The following GORASP2 variants were observed in gnomAD, a reference collection of about 807,000 sequenced individuals.
The protein encoded by GORASP2 is golgi reassembly stacking protein 2, also known as Golgi reassembly-stacking protein 2.
GORASP2 carries 22 observed loss-of-function variants against 45.7 expected under a neutral mutation model. That is an observed-to-expected ratio of 0.48 (90% CI 0.34 to 0.69). The LOEUF is 0.69. Ranked by LOEUF, GORASP2 falls within the 30% of genes least tolerant of loss-of-function variation. GORASP2 has a pLI of 0.01. For synonymous variants in GORASP2, 221 were observed against 215.6 expected (o/e 1.02, Z -0.22); for missense variants, 491 against 562.7 (o/e 0.87, Z 1.29).
At position 170,953,659 on chromosome 2, in the gene GORASP2, G is replaced by T. The variant is rs1177740791; in HGVS notation, c.567-991G>T. 2.0e-5 allele frequency among the ~76,000 whole-genome samples: 3 copies of T among 152,182 alleles called. No homozygotes were observed. The East Asian group carries it at 5.8e-4, about 29-fold the overall frequency. ...CAGTAAGGGGTTTTGGGTTCAAATG[G>T]TAAAAACTAGCTGTCACCATCATAA... On this transcript the variant is annotated intron_variant, in intron 5 of 9. Coordinates refer to ENST00000234160, the MANE Select transcript of GORASP2 (RefSeq NM_015530.5).
chr2:170,946,005 A>G (rs1368654670), intron 1 of GORASP2, among the ~76,000 whole-genome samples: 1 of 151,430 alleles, frequency 6.6e-6, no homozygotes, highest in Non-Finnish European at 1.5e-5. Context: ...TGTGGAATAG[A>G]TTTTTTTTTG....
chr2:170,932,217 G>A (rs959654474), intron 1 of GORASP2, among the ~76,000 whole-genome samples: 23 of 151,954 alleles, frequency 1.5e-4, no homozygotes, highest in African/African-American at 5.3e-4. Context: ...AAAAGAGTGA[G>A]ACTTCTTTTC....
rs988675264 is a variant in GORASP2 at position 170,949,626 on chromosome 2, G to A, written c.232G>A (p.Glu78Lys). Residue 78 changes from glutamate to lysine, a missense_variant, in exon 3 of 10, where the codon GAA (glutamate) becomes AAA (lysine). Transcript: ENST00000234160. ...KMLIYSSKTL[E>K]LRETSVTPSN... ...GCTTATCTATAGCAGCAAAACATTG[G>A]AACTGCGAGAGACCTCAGTCACACC... 2 of 1,614,010 alleles carry A rather than the reference G, an allele frequency of 1.2e-6. No homozygotes were observed. The highest frequency in any genetic ancestry group is 1.7e-6 in the Non-Finnish European group (2 of 1,179,878).
In GORASP2 at chr2:170,962,906, C is replaced by G; in HGVS notation, c.978C>G (p.His326Gln). The G allele has an allele frequency of 1.2e-6, 2 of 1,614,058 alleles. No homozygotes were observed. The highest frequency in any genetic ancestry group is 1.7e-6 in the Non-Finnish European group (2 of 1,179,956). Residue 326 changes from histidine (H) to glutamine (Q), a missense_variant, in exon 9 of 10, where the codon CAC becomes CAG. Transcript: ENST00000234160. The part of the protein sequence containing the change: ...PNLNLNLPAP[H>Q]IMPGVGLPEL... ...TCAACCTCAACCTCCCAGCACCACA[C>G]ATCATGCCAGGGGTTGGCTTACCAG...
Position 170,966,085 on chromosome 2 carries a change from G to T in GORASP2, c.1314G>T (p.Lys438Asn), listed in dbSNP as rs1257955714. ...GCGACTCCACCCCAGTCAGCGAGAA[G>T]CCTGTTTCTGCGGCTGTGGATGCCA... The part of the protein sequence containing the change: ...RVGDSTPVSE[K>N]PVSAAVDANA... Residue 438 changes from lysine (K) to asparagine (N), a missense_variant, in exon 10 of 10, where the codon AAG becomes AAT. Coordinates refer to ENST00000234160, the MANE Select transcript of GORASP2 (RefSeq NM_015530.5). 3 of 1,614,142 alleles carry T rather than the reference G, an allele frequency of 1.9e-6. No homozygotes were observed. Among genetic ancestry groups the T allele is most frequent in the Admixed American group, 1.7e-5 (1 of 60,016 alleles).
chr2:170,936,840 C>T (rs1470004002), intron 1 of GORASP2: 4 of 339,724 alleles, frequency 1.2e-5, no homozygotes, highest in Non-Finnish European at 2.4e-5. Flanking sequence ...AGCGAGCTAT[C>T]CTCACACCAC....
chr2:170,964,892 A>AT (rs1199571345), intron 9 of GORASP2, among the ~76,000 whole-genome samples: 3,224 of 64,742 alleles, frequency 0.05, 528 homozygotes, highest in African/African-American at 0.077. Context: ...ATGCATTTTA[A>AT]TTTTTTTTTT....
intron 1 of GORASP2, among the ~76,000 whole-genome samples, chr2:170,935,946 T>TG (rs1303511136): frequency 1.3e-5 from 2 of 152,272 alleles, no homozygotes; most frequent in African/African-American, 4.8e-5. Flanking sequence ...GGATTCTCAC[T>TG]GGGGGAGATC....
At chr2:170,962,345 A>G (rs1004801630) in intron 8 of GORASP2, among the ~76,000 whole-genome samples, 1 of 152,272 alleles carries the variant, frequency 6.6e-6, no homozygotes, top group African/African-American at 2.4e-5. Context: ...ACACACAATG[A>G]TGAAGCAAGT....
At chr2:170,935,993 AG>A (rs1703942021) in intron 1 of GORASP2, among the ~76,000 whole-genome samples, 2 of 152,182 alleles carry the variant, frequency 1.3e-5, no homozygotes. Context: ...AGTAAGTAGT[AG>A]AGTGTACAAC....
intron 1 of GORASP2, among the ~76,000 whole-genome samples, chr2:170,933,627 T>A (rs1703877835): frequency 6.6e-6 from 1 of 152,216 alleles, no homozygotes; most frequent in Non-Finnish European, 1.5e-5. Context: ...GTTCACAAAA[T>A]TAAATTTTTG....
chr2:170,959,509 ATAAAT>A (rs1404722339), intron 7 of GORASP2, among the ~76,000 whole-genome samples: 2 of 152,246 alleles, frequency 1.3e-5, no homozygotes, highest in Non-Finnish European at 2.9e-5. Flanking sequence ...TTTTGAGTAA[ATAAAT>A]TTAAAAAGAC....
intron 1 of GORASP2, among the ~76,000 whole-genome samples, chr2:170,945,782 T>C (rs1053034829): frequency 6.6e-6 from 1 of 152,214 alleles, no homozygotes; most frequent in African/African-American, 2.4e-5. Context: ...ACAATTCTGA[T>C]TGACACTGGT....
intron 1 of GORASP2, chr2:170,936,823 A>G: frequency 2.7e-6 from 1 of 376,568 alleles, no homozygotes; most frequent in South Asian, 1.9e-5. Flanking sequence ...AAGGACTTTG[A>G]GGCTGCAGCG....
At chr2:170,930,136 A>T (rs1018218070) in intron 1 of GORASP2, among the ~76,000 whole-genome samples, 6 of 152,184 alleles carry the variant, frequency 3.9e-5, no homozygotes, top group Non-Finnish European at 7.4e-5. Flanking sequence ...AATTTTTTTT[A>T]AAAATCGGAG....
chr2:170,953,388 TA>T (rs1402563704), intron 5 of GORASP2, among the ~76,000 whole-genome samples: 20 of 148,914 alleles, frequency 1.3e-4, no homozygotes, highest in African/African-American at 5.1e-4. Context: ...TAAATAAAAT[TA>T]AAAAGGCTGA....
Position 170,966,414 on chromosome 2 carries a change from A to G in GORASP2, c.*284A>G, listed in dbSNP as rs1381185823. The G allele has an allele frequency of 4.2e-6, 2 of 479,436 alleles. No individual in the cohort carries two copies. The highest frequency in any genetic ancestry group is 4.1e-5 in the East Asian group (1 of 24,104). 29.7% of individuals were successfully genotyped at this position (479,436 alleles called of 1,614,324 possible). On this transcript the variant is annotated 3_prime_UTR_variant, in exon 10 of 10. Coordinates refer to ENST00000234160, the MANE Select transcript of GORASP2 (RefSeq NM_015530.5). Reference sequence around the variant, plus strand: ...TGCACTGCCGTTCCTGGGGGTGTGCATCTTCGGGAAAGGTGGTGGCGGGGC... The same window carrying G: ...TGCACTGCCGTTCCTGGGGGTGTGCGTCTTCGGGAAAGGTGGTGGCGGGGC...
chr2:170,962,702 A>T (rs948357793), intron 8 of GORASP2, 137 bp from the exon 9 acceptor site: 27 of 640,050 alleles, frequency 4.2e-5, no homozygotes, highest in Middle Eastern at 5.0e-4. Flanking sequence ...TATTGTTATG[A>T]TACACAGCTG....
At chr2:170,955,831 C>T (rs544891016) in intron 6 of GORASP2, among the ~76,000 whole-genome samples, 1 of 152,360 alleles carries the variant, frequency 6.6e-6, no homozygotes, top group Non-Finnish European at 1.5e-5. Flanking sequence ...TCGGAATGTA[C>T]TGAAGGGCAC....
Sources: allele counts gnomAD v4.1 joint callset (sites outside exome capture counted in the v4.1 genomes callset), GRCh38; gene constraint gnomAD v4.1.1; transcripts MANE v1.5; gene names NCBI Gene and HGNC (gene_info 2026-07-23, HGNC 2026-07-21).